HMGCLL1: variants seen among roughly 807,000 people sequenced by gnomAD.
HMGCLL1 encodes the protein 3-hydroxymethyl-3-methylglutaryl-CoA lyase, cytoplasmic.
HMGCLL1 carries 36 observed loss-of-function variants against 39.1 expected under a neutral mutation model. The observed-to-expected ratio is 0.92, with a 90% confidence interval of 0.71 to 1.22. The LOEUF is 1.22. Ranked by LOEUF, HMGCLL1 falls within the 50% of genes most tolerant of loss-of-function variation. The pLI is 0.00. For synonymous variants in HMGCLL1, 149 were observed against 144.0 expected (o/e 1.03, Z -0.25); for missense variants, 451 against 416.5 (o/e 1.08, Z -0.72).
chr6:55,477,889 T>C (rs1235582020), intron 7 of HMGCLL1, among the ~76,000 whole-genome samples: 1 of 151,084 alleles, frequency 6.6e-6, no homozygotes, highest in Non-Finnish European at 1.5e-5. Context: ...ACTGTTCTTA[T>C]ATGATTTTGG....
intron 3 of HMGCLL1, among the ~76,000 whole-genome samples, chr6:55,540,761 A>G (rs1414913585): frequency 6.6e-6 from 1 of 152,152 alleles, no homozygotes; most frequent in Admixed American, 6.5e-5. Flanking sequence ...ATTTTAACCC[A>G]GTGAGATTGA....
chr6:55,644,554 T>G, the HMGCLL1 span, among the ~76,000 whole-genome samples: 1 of 152,158 alleles, frequency 6.6e-6, no homozygotes, highest in Admixed American at 6.6e-5. Context: ...GTCTTTAATC[T>G]ATTTTGATTT....
chr6:55,657,404 C>A, the HMGCLL1 span, among the ~76,000 whole-genome samples: 3 of 152,012 alleles, frequency 2.0e-5, no homozygotes, highest in East Asian at 5.8e-4. Flanking sequence ...TTCAATCTTC[C>A]ACATATGGCT....
the HMGCLL1 span, among the ~76,000 whole-genome samples, chr6:55,589,941 T>C: frequency 6.6e-6 from 1 of 151,902 alleles, no homozygotes; most frequent in Non-Finnish European, 1.5e-5. Context: ...TGCTCATGGG[T>C]AGGAAGAATC....
chr6:55,640,894 G>T, the HMGCLL1 span, among the ~76,000 whole-genome samples: 1 of 151,936 alleles, frequency 6.6e-6, no homozygotes, highest in African/African-American at 2.4e-5. Context: ...GAAAGACACA[G>T]TTTTCATATG....
chr6:55,672,201 T>C, the HMGCLL1 span, among the ~76,000 whole-genome samples: 2 of 151,800 alleles, frequency 1.3e-5, no homozygotes, highest in Non-Finnish European at 2.9e-5. Flanking sequence ...TAAAAATACA[T>C]TTACAGAAAA....
Position 55,434,928 on chromosome 6 carries a change from T to A in HMGCLL1, c.*734A>T, listed in dbSNP as rs985845734. Reference sequence around the variant, plus strand: ...AGACATCAGGACAAAAAAAAATAGCTTACAATTTCTCAATAGTTGAGTAAC... The same window carrying A: ...AGACATCAGGACAAAAAAAAATAGCATACAATTTCTCAATAGTTGAGTAAC... On this transcript the variant is annotated 3_prime_UTR_variant, in exon 9 of 9. Coordinates refer to ENST00000274901, the MANE Select transcript of HMGCLL1 (RefSeq NM_001042406.2). The A allele has an allele frequency of 6.6e-6, 1 of 152,182 alleles. No homozygotes were observed. Among genetic ancestry groups the A allele is most frequent in the Non-Finnish European group, 1.5e-5 (1 of 67,986 alleles). 9.4% of individuals were successfully genotyped at this position (152,182 alleles called of 1,614,324 possible). A position where few individuals can be genotyped will look rare whatever the true frequency, so the allele number is the denominator to read the frequency against.
chr6:55,508,240 T>C (rs1767265765), intron 5 of HMGCLL1, among the ~76,000 whole-genome samples: 1 of 151,886 alleles, frequency 6.6e-6, no homozygotes, highest in Non-Finnish European at 1.5e-5. Flanking sequence ...AATTTTAATG[T>C]AACCCTACTA....
chr6:55,545,632 A>G (rs1325428865), intron 1 of HMGCLL1, among the ~76,000 whole-genome samples: 1 of 152,116 alleles, frequency 6.6e-6, no homozygotes, highest in Non-Finnish European at 1.5e-5. Flanking sequence ...TATAAGTGTA[A>G]GATAGAAGGT....
At chr6:55,622,780 A>T in the HMGCLL1 span, among the ~76,000 whole-genome samples, 2 of 151,956 alleles carry the variant, frequency 1.3e-5, no homozygotes, top group African/African-American at 2.4e-5. Context: ...TCACAGAGTG[A>T]GTTTGGAAAT....
At chr6:55,661,079 A>G in the HMGCLL1 span, among the ~76,000 whole-genome samples, 1 of 151,712 alleles carries the variant, frequency 6.6e-6, no homozygotes, top group Admixed American at 6.6e-5. Context: ...TTTTTCTTGT[A>G]TATTTGTTTA....
chr6:55,460,155 A>C (rs1355291542), intron 7 of HMGCLL1, among the ~76,000 whole-genome samples: 5 of 151,956 alleles, frequency 3.3e-5, no homozygotes, highest in African/African-American at 1.2e-4. Context: ...ATGCCTCTGT[A>C]ATATATAGCT....
chr6:55,479,306 C>CA (rs1478122587), intron 7 of HMGCLL1, among the ~76,000 whole-genome samples: 1 of 151,584 alleles, frequency 6.6e-6, no homozygotes, highest in East Asian at 1.9e-4. Flanking sequence ...TTCTTAACCA[C>CA]AACACTTTAG....
chr6:55,470,802 G>A (rs1208865173), intron 7 of HMGCLL1, among the ~76,000 whole-genome samples: 12 of 151,670 alleles, frequency 7.9e-5, no homozygotes. Flanking sequence ...GGGGAAGCAA[G>A]GCACATCTTA....
intron 1 of HMGCLL1, among the ~76,000 whole-genome samples, chr6:55,543,341 TG>T (rs1446218283): frequency 3.7e-5 from 1 of 26,698 alleles, no homozygotes; most frequent in African/African-American, 1.3e-4. Context: ...ATATCATATA[TG>T]ATATATAATA....
chr6:55,470,667 C>G (rs902349965), intron 7 of HMGCLL1, among the ~76,000 whole-genome samples: 1 of 151,674 alleles, frequency 6.6e-6, no homozygotes, highest in Non-Finnish European at 1.5e-5. Flanking sequence ...AGTATGTATT[C>G]TGTTTTCACA....
the HMGCLL1 span, among the ~76,000 whole-genome samples, chr6:55,610,929 C>T: frequency 6.6e-6 from 1 of 152,106 alleles, no homozygotes; most frequent in Non-Finnish European, 1.5e-5. Context: ...TCATATCCCA[C>T]CAAACTAAGC....
At chr6:55,503,189 T>C (rs1766984045) in intron 5 of HMGCLL1, among the ~76,000 whole-genome samples, 1 of 151,842 alleles carries the variant, frequency 6.6e-6, no homozygotes, top group African/African-American at 2.4e-5. Context: ...TGAACAAATT[T>C]CTACCTTAAT....
chr6:55,643,284 C>T, the HMGCLL1 span, among the ~76,000 whole-genome samples: 15 of 151,964 alleles, frequency 9.9e-5, no homozygotes, highest in African/African-American at 1.5e-4. Context: ...CCCTTTTCTC[C>T]GCAACCTTGT....
Sources: gnomAD v4.1 joint callset for allele counts (sites outside exome capture counted in the v4.1 genomes callset) on GRCh38, gnomAD v4.1.1 for gene constraint, MANE v1.5 for transcripts, NCBI Gene and HGNC (gene_info 2026-07-23, HGNC 2026-07-21) for gene names.